Variants in EPHB1 observed in about 807,000 individuals in gnomAD.
EPHB1 encodes the protein ephrin type-B receptor 1.
A neutral mutation model predicts 94.4 loss-of-function variants in EPHB1; 30 were observed. The observed-to-expected ratio is 0.32, with a 90% CI of 0.24 to 0.43. The LOEUF (loss-of-function observed/expected upper bound fraction) is 0.43. Among genes scored for constraint, EPHB1 ranks in the 20% least tolerant of loss-of-function variants. The probability of loss-of-function intolerance (pLI) is 1.00; values close to 1 mark genes in which losing one functional copy is unlikely to be tolerated. For synonymous variants in EPHB1, 522 were observed against 489.1 expected, an observed-to-expected ratio of 1.07 and a Z score of -0.89; for missense variants, 1,055 against 1,308.3, an observed-to-expected ratio of 0.81 and a Z score of 2.99.
chr3:134,881,837 G>A (rs1401012360), intron 1 of EPHB1, among the ~76,000 whole-genome samples: 1 of 152,198 alleles, frequency 6.6e-6, no homozygotes, highest in Admixed American at 6.5e-5. Context: ...GGCAGTAGAA[G>A]AAAATGTGTG....
chr3:135,143,875 G>A (rs1446804806), intron 5 of EPHB1, among the ~76,000 whole-genome samples: 1 of 152,198 alleles, frequency 6.6e-6, no homozygotes, highest in Non-Finnish European at 1.5e-5. Flanking sequence ...CCCCCAGCAG[G>A]GAGGAGGAGC....
chr3:135,084,600 G>A (rs1158290497), intron 3 of EPHB1, among the ~76,000 whole-genome samples: 3 of 152,178 alleles, frequency 2.0e-5, no homozygotes, highest in Non-Finnish European at 4.4e-5. Flanking sequence ...ATTTCACAGA[G>A]AAGGCAATTG....
At position 134,938,806 on chromosome 3, in the gene EPHB1, G is replaced by C. The variant is rs143688631; in HGVS notation, c.124-12565G>C. ...TTGCCTCACGAGATAGGTACTATTA[G>C]GTACTATCCCTGTATTGCAGAGGAG... On this transcript the variant is annotated intron_variant, in intron 2 of 15. Transcript: ENST00000398015. Among the ~76,000 whole-genome samples, 571 of 152,196 alleles carry C rather than the reference G, an allele frequency of 3.8e-3. 3 individuals are homozygous for C. The highest frequency in any genetic ancestry group is 0.013 in the African/African-American group (551 of 41,536).
At position 134,913,196 on chromosome 3, in the gene EPHB1, G is replaced by A. The variant is rs111710821; in HGVS notation, c.59-12620G>A. Reference sequence around the variant, plus strand: ...GTGCTAAGAGTGGGGAGGCCAAAGCGAGGGAGGCCCAGAACACCCTCAGTG... The same window carrying A: ...GTGCTAAGAGTGGGGAGGCCAAAGCAAGGGAGGCCCAGAACACCCTCAGTG... On this transcript the variant is annotated intron_variant, in intron 1 of 15. Coordinates refer to ENST00000398015, the MANE Select transcript of EPHB1 (RefSeq NM_004441.5). Among the ~76,000 whole-genome samples, 430 of 152,224 alleles carry A rather than the reference G, an allele frequency of 2.8e-3. 2 individuals carry two copies. The highest frequency in any genetic ancestry group is 8.4e-3 in the African/African-American group (348 of 41,542).
intron 3 of EPHB1, among the ~76,000 whole-genome samples, chr3:135,102,550 G>A (rs989843849): frequency 1.3e-5 from 2 of 152,160 alleles, no homozygotes; most frequent in African/African-American, 4.8e-5. Flanking sequence ...GATTAGCCTG[G>A]CACTTTCACC....
chr3:135,127,058 C>T (rs1241967485), intron 4 of EPHB1, among the ~76,000 whole-genome samples: 4 of 152,198 alleles, frequency 2.6e-5, no homozygotes, highest in Non-Finnish European at 5.9e-5. Context: ...TTAGGCATGT[C>T]ATCTCATTAA....
chr3:135,065,034 A>G (rs1559816125), intron 3 of EPHB1, among the ~76,000 whole-genome samples: 1 of 151,860 alleles, frequency 6.6e-6, no homozygotes, highest in Non-Finnish European at 1.5e-5. Flanking sequence ...TTTGGAGTTG[A>G]TTTTGTTTTA....
chr3:135,235,962 T>C (rs1031871024), intron 12 of EPHB1, among the ~76,000 whole-genome samples: 6 of 152,170 alleles, frequency 3.9e-5, no homozygotes, highest in African/African-American at 9.7e-5. Flanking sequence ...TGCCCCCTAA[T>C]AGTAGCCCGT....
intron 3 of EPHB1, among the ~76,000 whole-genome samples, chr3:135,099,379 G>A (rs940011589): frequency 6.6e-6 from 1 of 152,096 alleles, no homozygotes; most frequent in African/African-American, 2.4e-5. Flanking sequence ...ACAGATGGAT[G>A]GGTGCTTGGG....
chr3:134,811,499 A>G (rs2036179681), intron 1 of EPHB1, among the ~76,000 whole-genome samples: 2 of 151,886 alleles, frequency 1.3e-5, no homozygotes, highest in Admixed American at 1.3e-4. Flanking sequence ...TCTGCCTTCC[A>G]AAGTGCTGGG....
At chr3:135,207,984 A>G (rs1317172283) in intron 12 of EPHB1, among the ~76,000 whole-genome samples, 1 of 152,132 alleles carries the variant, frequency 6.6e-6, no homozygotes, top group Admixed American at 6.5e-5. Context: ...ACCTTCAAAT[A>G]TCACCCAATT....
intron 12 of EPHB1, among the ~76,000 whole-genome samples, chr3:135,233,916 G>A (rs1436005099): frequency 6.6e-6 from 1 of 152,174 alleles, no homozygotes; most frequent in Non-Finnish European, 1.5e-5. Context: ...CTGAGATACA[G>A]TTCTGCAGTT....
intron 3 of EPHB1, among the ~76,000 whole-genome samples, chr3:135,073,238 C>A (rs989244595): frequency 6.6e-6 from 1 of 152,146 alleles, no homozygotes; most frequent in Non-Finnish European, 1.5e-5. Context: ...TATCCATCTG[C>A]TACTGAACAC....
At chr3:135,040,126 A>C (rs1936786888) in intron 3 of EPHB1, among the ~76,000 whole-genome samples, 1 of 152,182 alleles carries the variant, frequency 6.6e-6, no homozygotes, top group African/African-American at 2.4e-5. Flanking sequence ...TTTGGAGTCA[A>C]GTTTCTTGGG....
At chr3:135,220,222 G>A (rs1208774804) in intron 12 of EPHB1, among the ~76,000 whole-genome samples, 1 of 152,210 alleles carries the variant, frequency 6.6e-6, no homozygotes, top group Non-Finnish European at 1.5e-5. Context: ...GCAGCTGAGT[G>A]AGGAAGGGAA....
chr3:134,846,186 A>G (rs2036868629), intron 1 of EPHB1, among the ~76,000 whole-genome samples: 2 of 152,196 alleles, frequency 1.3e-5, no homozygotes, highest in South Asian at 4.1e-4. Context: ...TGTGTTCACC[A>G]GGCACTAGGG....
chr3:135,205,793 T>A (rs547271401), intron 12 of EPHB1, among the ~76,000 whole-genome samples: 159 of 152,344 alleles, frequency 1.0e-3, no homozygotes, highest in Non-Finnish European at 1.5e-3. Context: ...TATTTCCAAG[T>A]GATTTGCAGA....
intron 1 of EPHB1, among the ~76,000 whole-genome samples, chr3:134,867,986 A>G (rs1030131525): frequency 1.3e-5 from 2 of 152,210 alleles, no homozygotes; most frequent in Non-Finnish European, 2.9e-5. Flanking sequence ...ACCTCTAAGC[A>G]TGAAGTTCAG....
In EPHB1 at chr3:134,892,643, GTCTTT is replaced by G. The variant is rs138493052; in HGVS notation, c.59-33166_59-33162del. Among the ~76,000 whole-genome samples the G allele has an allele frequency of 9.8e-3, 1,487 of 152,266 alleles. 18 individuals are homozygous for G. The highest frequency in any genetic ancestry group is 0.033 in the African/African-American group (1,359 of 41,550). On this transcript the variant is annotated intron_variant, in intron 1 of 15. Transcript: ENST00000398015. ...GAAAATGGGATCTCTCTTGGTAGGA[GTCTTT>G]TCTTTTTCTTTTTCTTCCTGATGGA...
Sources: gnomAD v4.1 joint callset for allele counts (sites outside exome capture counted in the v4.1 genomes callset) on GRCh38, gnomAD v4.1.1 for gene constraint, MANE v1.5 for transcripts, NCBI Gene and HGNC (gene_info 2026-07-23, HGNC 2026-07-21) for gene names.